Variants in FNDC3B observed in about 807,000 individuals in gnomAD.
FNDC3B encodes the protein fibronectin type III domain-containing protein 3B.
Under a neutral mutation model 151.5 loss-of-function variants are expected in FNDC3B, and 12 were observed. The observed-to-expected ratio is 0.08, with a 90% CI of 0.05 to 0.13. The LOEUF is 0.13. FNDC3B is among the 10% of genes least tolerant of loss of function. FNDC3B has a pLI of 1.00. For missense variants in FNDC3B, 1,214 were observed against 1,505.3 expected (o/e 0.81, Z 3.20); for synonymous variants, 528 against 549.0 (o/e 0.96, Z 0.54).
chr3:172,231,879 G>GTTTTTTTTTTTT (rs33956893), intron 4 of FNDC3B, among the ~76,000 whole-genome samples: 1 of 104,502 alleles, frequency 9.6e-6, no homozygotes. Context: ...TTTATTTACC[G>GTTTTTTTTTTTT]TTTTTTTTTT....
intron 1 of FNDC3B, among the ~76,000 whole-genome samples, chr3:172,067,690 GA>G (rs78739937): frequency 6.6e-6 from 1 of 150,906 alleles, no homozygotes; most frequent in East Asian, 1.9e-4. Flanking sequence ...CATCACACTT[GA>G]AAAAAAAATT....
intron 3 of FNDC3B, chr3:172,186,651 T>C: frequency 1.5e-6 from 1 of 672,242 alleles, no homozygotes; most frequent in South Asian, 1.6e-5. Context: ...GGCAAGAAAA[T>C]CATGGAAAAT....
At chr3:172,093,699 G>A (rs1202728659) in intron 1 of FNDC3B, among the ~76,000 whole-genome samples, 1 of 152,184 alleles carries the variant, frequency 6.6e-6, no homozygotes, top group Non-Finnish European at 1.5e-5. Context: ...GCACCTGGAA[G>A]GAAATACACT....
chr3:172,365,304 GCA>G (rs1389670355), intron 23 of FNDC3B, among the ~76,000 whole-genome samples: 3 of 152,122 alleles, frequency 2.0e-5, no homozygotes, highest in African/African-American at 7.2e-5. Context: ...TAGTTTTAAA[GCA>G]CATACTCTTT....
chr3:172,223,591 G>A (rs764008173), intron 3 of FNDC3B, among the ~76,000 whole-genome samples: 1 of 152,146 alleles, frequency 6.6e-6, no homozygotes, highest in South Asian at 2.1e-4. Context: ...CATGGTATAC[G>A]TTTTGGTGAT....
intron 3 of FNDC3B, among the ~76,000 whole-genome samples, chr3:172,169,430 G>C (rs1173245382): frequency 1.3e-5 from 2 of 152,208 alleles, no homozygotes; most frequent in African/African-American, 4.8e-5. Context: ...TAAGATAAAT[G>C]CAGGGGTTAA....
chr3:172,333,738 G>A (rs1409616754), intron 14 of FNDC3B, among the ~76,000 whole-genome samples: 1 of 152,096 alleles, frequency 6.6e-6, no homozygotes, highest in Non-Finnish European at 1.5e-5. Flanking sequence ...GCCCTTGCCT[G>A]GGAAGAGACA....
chr3:172,210,256 A>G (rs890039870), intron 3 of FNDC3B, among the ~76,000 whole-genome samples: 1 of 152,200 alleles, frequency 6.6e-6, no homozygotes, highest in Non-Finnish European at 1.5e-5. Context: ...TGGCTGCTCC[A>G]CGTGGGCTAC....
chr3:172,177,626 CTT>C (rs10684671), intron 3 of FNDC3B, among the ~76,000 whole-genome samples: 9,241 of 84,906 alleles, frequency 0.11, 290 homozygotes, highest in Middle Eastern at 0.22. Context: ...TTACCACCAT[CTT>C]TTTTTTTTTT....
At chr3:172,156,841 T>G (rs1485593213) in intron 3 of FNDC3B, among the ~76,000 whole-genome samples, 10 of 152,158 alleles carry the variant, frequency 6.6e-5, no homozygotes, top group African/African-American at 2.2e-4. Context: ...TTGTAGAATG[T>G]TTTTTTAACC....
chr3:172,371,622 C>G (rs1734887963), intron 23 of FNDC3B, among the ~76,000 whole-genome samples: 1 of 152,206 alleles, frequency 6.6e-6, no homozygotes, highest in African/African-American at 2.4e-5. Context: ...AGTAAATATT[C>G]TTAGTGTAGG....
intron 1 of FNDC3B, among the ~76,000 whole-genome samples, chr3:172,080,634 T>G (rs1718237347): frequency 6.6e-6 from 1 of 152,090 alleles, no homozygotes; most frequent in Non-Finnish European, 1.5e-5. Context: ...CCTTCTAGTG[T>G]TGTTTCACTT....
Position 172,300,839 on chromosome 3 carries a change from G to A in FNDC3B, c.1061+2052G>A, listed in dbSNP as rs145006606. On this transcript the variant is annotated intron_variant, in intron 9 of 25. Coordinates refer to ENST00000415807, the MANE Select transcript of FNDC3B (RefSeq NM_022763.4). ...ACATCCTTTCTCTCCTAATAAAAAC[G>A]TCTATAGTCCAGATTTAGTCTTTGT... Among the ~76,000 whole-genome samples the A allele has an allele frequency of 4.1e-3, 621 of 152,224 alleles. 1 individual carries two copies. Among genetic ancestry groups the A allele is most frequent in the Non-Finnish European group, 7.5e-3 (507 of 68,008 alleles).
At chr3:172,128,758 G>T (rs1370096611) in intron 2 of FNDC3B, among the ~76,000 whole-genome samples, 1 of 152,128 alleles carries the variant, frequency 6.6e-6, no homozygotes, top group Non-Finnish European at 1.5e-5. Context: ...ATACCTGTTG[G>T]ATAATCATAA....
intron 2 of FNDC3B, among the ~76,000 whole-genome samples, chr3:172,116,696 G>T (rs557957902): frequency 6.6e-6 from 1 of 152,210 alleles, no homozygotes; most frequent in Admixed American, 6.5e-5. Context: ...CTTCCGAGTA[G>T]CTGGGATTAC....
chr3:172,246,230 G>A (rs1342522989), intron 4 of FNDC3B, among the ~76,000 whole-genome samples: 4 of 150,732 alleles, frequency 2.7e-5, no homozygotes, highest in Non-Finnish European at 5.9e-5. Context: ...CAGAGTGTGT[G>A]CCCGATCGTG....
At position 172,328,974 on chromosome 3, in the gene FNDC3B, G is replaced by C; in HGVS notation, c.1277G>C (p.Arg426Thr). The change falls in exon 12 of 26, where the codon AGA (arginine) becomes ACA (threonine). Residue 426 changes from arginine (R) to threonine (T), a missense_variant. Around this residue, in one of 7 missense-constraint regions of FNDC3B, gnomAD observed 156 missense variants for 225.3 expected, o/e 0.69. Coordinates refer to ENST00000415807, the MANE Select transcript of FNDC3B (RefSeq NM_022763.4). Reference sequence around the variant, plus strand: ...TAGGGAAAAAGAAATAGTGGTTTCAGACAGTGCTTCTTCGGGAGCCAGAAG... The same window carrying C: ...TAGGGAAAAAGAAATAGTGGTTTCACACAGTGCTTCTTCGGGAGCCAGAAG... Reference protein sequence around the residue: ...WDEGKRNSGFRQCFFGSQKHC... With the variant: ...WDEGKRNSGFTQCFFGSQKHC... 3 of 1,612,344 alleles carry C rather than the reference G, an allele frequency of 1.9e-6. No individual in the cohort carries two copies. The highest frequency in any genetic ancestry group is 2.2e-5 in the East Asian group (1 of 44,780).
chr3:172,041,865 T>A (rs1028362029), intron 1 of FNDC3B, among the ~76,000 whole-genome samples: 1 of 152,096 alleles, frequency 6.6e-6, no homozygotes, highest in Non-Finnish European at 1.5e-5. Flanking sequence ...TGGGAGCAGC[T>A]GTTAACGAGG....
chr3:172,150,387 T>C (rs1304380167), intron 3 of FNDC3B, among the ~76,000 whole-genome samples: 1 of 152,136 alleles, frequency 6.6e-6, no homozygotes, highest in African/African-American at 2.4e-5. Context: ...TGGTACCTTT[T>C]CATTTTAGGT....
Sources: gnomAD v4.1 joint callset for allele counts (sites outside exome capture counted in the v4.1 genomes callset) on GRCh38, gnomAD v4.1.1 for gene constraint, gnomAD v4.1.1 regional missense constraint, MANE v1.5 for transcripts, NCBI Gene and HGNC (gene_info 2026-07-23, HGNC 2026-07-21) for gene names.